The following XKR4 variants were observed in gnomAD, a reference collection of about 807,000 sequenced individuals.
XKR4 encodes the protein XK related 4.
Under a neutral mutation model 53.9 loss-of-function variants are expected in XKR4, and 12 were observed. The observed-to-expected ratio is 0.22, with a 90% CI of 0.14 to 0.36. The LOEUF (loss-of-function observed/expected upper bound fraction) is 0.36. XKR4 is among the 10% of genes least tolerant of loss of function. The pLI, the probability that XKR4 is intolerant of heterozygous loss-of-function variation, is 1.00. For missense variants in XKR4, 799 were observed against 859.5 expected, an observed-to-expected ratio of 0.93 and a Z score of 0.88; for synonymous variants, 354 against 362.4, an observed-to-expected ratio of 0.98 and a Z score of 0.26.
intron 2 of XKR4, among the ~76,000 whole-genome samples, chr8:55,368,860 C>T (rs928705465): frequency 2.0e-5 from 3 of 152,190 alleles, no homozygotes; most frequent in African/African-American, 7.2e-5. Context: ...TCACAAGTTC[C>T]TGTGGAATGT....
At chr8:55,300,904 G>T (rs1361741108) in intron 1 of XKR4, among the ~76,000 whole-genome samples, 4 of 151,992 alleles carry the variant, frequency 2.6e-5, no homozygotes, top group African/African-American at 9.7e-5. Context: ...AGTAAAGGAG[G>T]ATTATATTTT....
Position 55,534,618 on chromosome 8 carries a change from GC to G in XKR4, c.*10394del, listed in dbSNP as rs1221989070. ...TCTCGATCTCCTGACCTCGTGATCT[GC>G]CCTCCTTGGCCTCCCAAAGTGCTGG... is the stretch of plus-strand genomic sequence containing the variant. On this transcript the variant is annotated 3_prime_UTR_variant, in exon 3 of 3. Coordinates refer to ENST00000327381, the MANE Select transcript of XKR4 (RefSeq NM_052898.2). 1.3e-5 allele frequency: 2 copies of G among 151,634 alleles called. No homozygotes were observed. Among genetic ancestry groups the G allele is most frequent in the Admixed American group, 1.3e-4 (2 of 15,200 alleles). 9.4% of individuals were successfully genotyped at this position (151,634 alleles called of 1,614,324 possible).
chr8:55,302,691 G>C (rs1217088414), intron 1 of XKR4, among the ~76,000 whole-genome samples: 25 of 151,928 alleles, frequency 1.6e-4, no homozygotes, highest in South Asian at 1.3e-3. Context: ...GTTTGTAGTT[G>C]TCCTTGAAGA....
intron 1 of XKR4, among the ~76,000 whole-genome samples, chr8:55,171,480 T>G (rs1817156065): frequency 6.6e-6 from 1 of 152,134 alleles, no homozygotes; most frequent in African/African-American, 2.4e-5. Flanking sequence ...TTCATACGTC[T>G]CCGTGTCATT....
At chr8:55,104,078 A>G (rs980225812) in intron 1 of XKR4, among the ~76,000 whole-genome samples, 8 of 151,952 alleles carry the variant, frequency 5.3e-5, no homozygotes, top group Admixed American at 5.2e-4. Flanking sequence ...GCTGCTTGTC[A>G]TCTGATCTAC....
chr8:55,340,114 C>A (rs1315101785), intron 1 of XKR4, among the ~76,000 whole-genome samples: 1 of 152,148 alleles, frequency 6.6e-6, no homozygotes, highest in African/African-American at 2.4e-5. Context: ...GGCTAGGAGG[C>A]ACTGGTTGAT....
intron 2 of XKR4, among the ~76,000 whole-genome samples, chr8:55,478,368 C>G (rs1396192693): frequency 1.3e-5 from 2 of 151,946 alleles, no homozygotes; most frequent in Non-Finnish European, 2.9e-5. Context: ...TTGTCACCAC[C>G]AGGCCTGCCC....
At chr8:55,462,046 C>T (rs1249488095) in intron 2 of XKR4, among the ~76,000 whole-genome samples, 1 of 152,206 alleles carries the variant, frequency 6.6e-6, no homozygotes, top group East Asian at 1.9e-4. Flanking sequence ...TTGGAAAACA[C>T]TCTGCAGAAT....
intron 1 of XKR4, among the ~76,000 whole-genome samples, chr8:55,183,155 G>A (rs1817336214): frequency 6.6e-6 from 1 of 151,444 alleles, no homozygotes; most frequent in South Asian, 2.1e-4. Context: ...CAATTTTATT[G>A]ATCTAAGAAT....
At chr8:55,301,092 C>A (rs912068601) in intron 1 of XKR4, among the ~76,000 whole-genome samples, 1 of 150,926 alleles carries the variant, frequency 6.6e-6, no homozygotes, top group Non-Finnish European at 1.5e-5. Flanking sequence ...TGTGCTGCAC[C>A]CATTAACTGG....
chr8:55,524,511 G>C lies in XKR4; in HGVS notation c.*284G>C, dbSNP rs903764595. ...CACGGTCTTGGGTGCACCCACCAGA[G>C]GGTACTACTATTATGGAAAAATTTT... On this transcript the variant is annotated 3_prime_UTR_variant, in exon 3 of 3. Transcript: ENST00000327381. 1.2e-5 allele frequency: 5 copies of C among 430,834 alleles called. No homozygotes were observed. In the South Asian group the frequency reaches 1.9e-4, roughly 16 times the overall value. 26.7% of individuals were successfully genotyped at this position (430,834 alleles called of 1,614,324 possible).
chr8:55,202,151 C>T (rs1342673371), intron 1 of XKR4, among the ~76,000 whole-genome samples: 1 of 152,128 alleles, frequency 6.6e-6, no homozygotes, highest in East Asian at 1.9e-4. Flanking sequence ...GAAGTTGGCT[C>T]CAAATTTGAA....
intron 1 of XKR4, among the ~76,000 whole-genome samples, chr8:55,185,536 A>T (rs1817365857): frequency 6.6e-6 from 1 of 152,190 alleles, no homozygotes; most frequent in Non-Finnish European, 1.5e-5. Flanking sequence ...TTGCTAGCAT[A>T]CCTGTTAATA....
At chr8:55,271,148 T>G (rs1291193398) in intron 1 of XKR4, among the ~76,000 whole-genome samples, 1 of 152,118 alleles carries the variant, frequency 6.6e-6, no homozygotes, top group Non-Finnish European at 1.5e-5. Context: ...ATTACAATTA[T>G]GTTTGCCTTC....
At chr8:55,293,872 G>GA (rs1372762952) in intron 1 of XKR4, among the ~76,000 whole-genome samples, 65 of 152,194 alleles carry the variant, frequency 4.3e-4, no homozygotes, top group African/African-American at 1.5e-3. Flanking sequence ...AAAATACTTA[G>GA]AAAAAATAAC....
intron 2 of XKR4, among the ~76,000 whole-genome samples, chr8:55,522,397 G>C (rs982164428): frequency 3.9e-5 from 6 of 152,186 alleles, no homozygotes; most frequent in African/African-American, 1.2e-4. Flanking sequence ...ACAGATAAAG[G>C]CTGTAGGAAG....
chr8:55,232,788 A>C (rs1393804245), intron 1 of XKR4, among the ~76,000 whole-genome samples: 1 of 152,138 alleles, frequency 6.6e-6, no homozygotes, highest in East Asian at 1.9e-4. Flanking sequence ...CCACATTTCC[A>C]ATGAGGAGAT....
intron 1 of XKR4, among the ~76,000 whole-genome samples, chr8:55,153,175 T>C (rs935793467): frequency 2.6e-5 from 4 of 152,212 alleles, no homozygotes; most frequent in African/African-American, 9.6e-5. Context: ...GGTGACCTTT[T>C]TTGAGGGCCT....
intron 2 of XKR4, among the ~76,000 whole-genome samples, chr8:55,484,778 T>C (rs1806168149): frequency 1.3e-5 from 2 of 152,230 alleles, no homozygotes; most frequent in South Asian, 4.1e-4. Context: ...AAAAGAAAGA[T>C]TAAGTAAGAA....
Sources: gnomAD v4.1 joint callset for allele counts (sites outside exome capture counted in the v4.1 genomes callset) on GRCh38, gnomAD v4.1.1 for gene constraint, MANE v1.5 for transcripts, NCBI Gene and HGNC (gene_info 2026-07-23, HGNC 2026-07-21) for gene names.